CNTN4: variants seen among roughly 807,000 people sequenced by gnomAD.
CNTN4 encodes the protein contactin 4, also known as contactin-4.
CNTN4 carries 77 observed loss-of-function variants against 122.5 expected under a neutral mutation model. The ratio of observed to expected loss-of-function variants is 0.63; its 90% CI spans 0.52 to 0.76. CNTN4 has a LOEUF of 0.76. CNTN4 is among the 30% of genes least tolerant of loss of function. CNTN4 has a pLI of 0.00. For missense variants in CNTN4, 1,256 were observed against 1,259.1 expected (o/e 1.00, Z 0.04); for synonymous variants, 512 against 447.0 (o/e 1.15, Z -1.83).
intron 3 of CNTN4, among the ~76,000 whole-genome samples, chr3:2,412,391 A>C (rs1333502027): frequency 6.6e-6 from 1 of 151,886 alleles, no homozygotes; most frequent in Admixed American, 6.6e-5. Context: ...AGCTGGGATT[A>C]CAGGTCCCCA....
intron 2 of CNTN4, among the ~76,000 whole-genome samples, chr3:2,226,405 C>G (rs1391325006): frequency 6.6e-6 from 1 of 152,098 alleles, no homozygotes. Context: ...GAGGAAAAAG[C>G]ACTGGATTGA....
At chr3:2,538,314 G>T (rs528455335) in intron 3 of CNTN4, among the ~76,000 whole-genome samples, 1 of 152,130 alleles carries the variant, frequency 6.6e-6, no homozygotes, top group African/African-American at 2.4e-5. Context: ...CATTTCTCTT[G>T]TTTAACTCAG....
At chr3:2,627,890 T>C (rs1464707956) in intron 4 of CNTN4, among the ~76,000 whole-genome samples, 2 of 152,250 alleles carry the variant, frequency 1.3e-5, no homozygotes, top group Admixed American at 6.5e-5. Context: ...TAACATACTT[T>C]AATTGAAGAT....
chr3:2,939,176 C>G (rs148515471), intron 13 of CNTN4, among the ~76,000 whole-genome samples: 1 of 152,306 alleles, frequency 6.6e-6, no homozygotes, highest in Non-Finnish European at 1.5e-5. Flanking sequence ...TTAATTAGAT[C>G]TCTACTAGTA....
At chr3:2,999,408 G>GTCTT (rs1695828216) in intron 14 of CNTN4, among the ~76,000 whole-genome samples, 1 of 152,172 alleles carries the variant, frequency 6.6e-6, no homozygotes, top group South Asian at 2.1e-4. Flanking sequence ...TTTGGGGATT[G>GTCTT]TCTTAGTCCA....
intron 2 of CNTN4, among the ~76,000 whole-genome samples, chr3:2,321,684 C>T (rs941245066): frequency 6.6e-6 from 1 of 151,898 alleles, no homozygotes; most frequent in East Asian, 1.9e-4. Flanking sequence ...GACCTAGTAT[C>T]TCAGGTTTCT....
intron 4 of CNTN4, among the ~76,000 whole-genome samples, chr3:2,644,132 G>T (rs2083014672): frequency 6.6e-6 from 1 of 152,130 alleles, no homozygotes. Flanking sequence ...CTGCCCCCCA[G>T]TGTGTGTTCT....
At chr3:2,628,866 AG>A (rs2150013445) in intron 4 of CNTN4, among the ~76,000 whole-genome samples, 1 of 152,306 alleles carries the variant, frequency 6.6e-6, no homozygotes, top group South Asian at 2.1e-4. Flanking sequence ...ATAACCCAAA[AG>A]GGTTTTTTTG....
intron 2 of CNTN4, among the ~76,000 whole-genome samples, chr3:2,319,301 TA>T (rs5846178): frequency 0.21 from 32,542 of 152,090 alleles, 4,128 homozygotes; most frequent in Admixed American, 0.33. Flanking sequence ...TCAAGAATCA[TA>T]GCCAGTAAGT....
chr3:2,888,774 A>G (rs2094005913), intron 10 of CNTN4, among the ~76,000 whole-genome samples: 1 of 152,120 alleles, frequency 6.6e-6, no homozygotes, highest in Non-Finnish European at 1.5e-5. Context: ...CACAGAACCC[A>G]TGAAACTCAG....
intron 7 of CNTN4, among the ~76,000 whole-genome samples, chr3:2,853,727 GCT>G (rs1483908156): frequency 6.6e-6 from 1 of 152,126 alleles, no homozygotes; most frequent in Non-Finnish European, 1.5e-5. Context: ...CTTTGCGCTC[GCT>G]CTCTGTTTTG....
chr3:2,721,461 A>G (rs62232730), intron 4 of CNTN4, among the ~76,000 whole-genome samples: 22,315 of 152,098 alleles, frequency 0.15, 2,286 homozygotes, highest in East Asian at 0.41. Context: ...TCTGCCATGA[A>G]CATGGAAGTA....
intron 2 of CNTN4, among the ~76,000 whole-genome samples, chr3:2,163,172 A>G (rs963835135): frequency 6.6e-6 from 1 of 152,248 alleles, no homozygotes; most frequent in Non-Finnish European, 1.5e-5. Context: ...CCAGTGGAAC[A>G]GAATAGGGAA....
chr3:2,486,307 G>A (rs1485985944), intron 3 of CNTN4, among the ~76,000 whole-genome samples: 4 of 152,128 alleles, frequency 2.6e-5, no homozygotes, highest in Non-Finnish European at 5.9e-5. Flanking sequence ...GTAAGGGTCC[G>A]CGGCTTCATT....
chr3:2,158,433 TA>T (rs751351128), intron 2 of CNTN4, among the ~76,000 whole-genome samples: 2 of 152,190 alleles, frequency 1.3e-5, no homozygotes, highest in Non-Finnish European at 2.9e-5. Context: ...CAACCACTGG[TA>T]AAAGAATTAT....
At chr3:2,667,806 A>C (rs1373353458) in intron 4 of CNTN4, among the ~76,000 whole-genome samples, 1 of 151,640 alleles carries the variant, frequency 6.6e-6, no homozygotes, top group Non-Finnish European at 1.5e-5. Context: ...AGCTTTCTAC[A>C]TATGGCTGGC....
Position 2,455,078 on chromosome 3 carries a change from A to T in CNTN4, c.-89+115845A>T, listed in dbSNP as rs1266731246. On this transcript the variant is annotated intron_variant, in intron 3 of 24. Coordinates refer to ENST00000418658, the MANE Select transcript of CNTN4 (RefSeq NM_175607.3). ...AAACCAGTAAATATGGTGTGGAAGC[A>T]ACTAATCATCGCTGGATTGCTCAAG... 2.0e-5 allele frequency among the ~76,000 whole-genome samples: 3 copies of T among 152,166 alleles called. No homozygotes were observed. In the East Asian group the frequency reaches 5.8e-4, roughly 29 times the overall value.
At chr3:2,216,278 C>T (rs2038837778) in intron 2 of CNTN4, among the ~76,000 whole-genome samples, 1 of 152,142 alleles carries the variant, frequency 6.6e-6, no homozygotes, top group Non-Finnish European at 1.5e-5. Flanking sequence ...AGCAAATGAA[C>T]ACTAGAACAG....
chr3:3,002,800 C>T (rs1696181044), intron 14 of CNTN4, among the ~76,000 whole-genome samples: 1 of 152,162 alleles, frequency 6.6e-6, no homozygotes, highest in Non-Finnish European at 1.5e-5. Flanking sequence ...CTAACTCAGG[C>T]ACCCCCAAAA....
Sources: allele counts gnomAD v4.1 joint callset (sites outside exome capture counted in the v4.1 genomes callset), GRCh38; gene constraint gnomAD v4.1.1; transcripts MANE v1.5; gene names NCBI Gene and HGNC (gene_info 2026-07-23, HGNC 2026-07-21).